CDH12: variants seen among roughly 807,000 people sequenced by gnomAD.
CDH12 encodes the protein cadherin 12, also known as cadherin-12.
Under a neutral mutation model 74.1 loss-of-function variants are expected in CDH12, and 41 were observed. The observed-to-expected ratio is 0.55, with a 90% CI of 0.43 to 0.72. CDH12 has a LOEUF of 0.72. Among genes scored for constraint, CDH12 ranks in the 30% least tolerant of loss-of-function variants. CDH12 has a pLI of 0.00. For missense variants in CDH12, 945 were observed against 977.2 expected (o/e 0.97, Z 0.44); for synonymous variants, 399 against 355.0 (o/e 1.12, Z -1.39).
At chr5:22,119,251 G>A (rs996236659) in intron 4 of CDH12, among the ~76,000 whole-genome samples, 9 of 148,298 alleles carry the variant, frequency 6.1e-5, no homozygotes, top group African/African-American at 2.0e-4. Context: ...CTAAAGAACA[G>A]TGTAACATTG....
At chr5:21,865,483 G>A (rs1751277523) in intron 6 of CDH12, among the ~76,000 whole-genome samples, 1 of 152,160 alleles carries the variant, frequency 6.6e-6, no homozygotes, top group Non-Finnish European at 1.5e-5. Context: ...CACAAGCCCA[G>A]TGCTCTGGGA....
intron 3 of CDH12, among the ~76,000 whole-genome samples, chr5:22,336,179 A>G (rs1166591604): frequency 1.3e-5 from 2 of 152,206 alleles, no homozygotes; most frequent in East Asian, 3.9e-4. Flanking sequence ...TATCTGACTG[A>G]TGAAATTCCT....
At chr5:21,879,889 G>T (rs575180423) in intron 6 of CDH12, among the ~76,000 whole-genome samples, 2 of 152,202 alleles carry the variant, frequency 1.3e-5, no homozygotes, top group Admixed American at 6.5e-5. Context: ...TAAAGTCATG[G>T]ATTCAATTAA....
At chr5:22,755,668 T>C (rs569788292) in intron 1 of CDH12, among the ~76,000 whole-genome samples, 1 of 152,270 alleles carries the variant, frequency 6.6e-6, no homozygotes, top group South Asian at 2.1e-4. Flanking sequence ...TTCTCTTGTG[T>C]TAAGCTGGTG....
chr5:22,793,224 GTC>G (rs1039573845), intron 1 of CDH12, among the ~76,000 whole-genome samples: 1 of 152,148 alleles, frequency 6.6e-6, no homozygotes, highest in African/African-American at 2.4e-5. Context: ...TCAGAGAGTT[GTC>G]TTTTTAGATT....
At chr5:22,636,334 T>C (rs1028243031) in intron 1 of CDH12, among the ~76,000 whole-genome samples, 7 of 152,156 alleles carry the variant, frequency 4.6e-5, no homozygotes, top group Non-Finnish European at 1.0e-4. Context: ...GCAAGAGACA[T>C]GCAAACATAT....
intron 6 of CDH12, among the ~76,000 whole-genome samples, chr5:21,950,749 A>AATCTT (rs1755813179): frequency 7.6e-6 from 1 of 130,974 alleles, no homozygotes; most frequent in Admixed American, 8.4e-5. Context: ...CAGCTACATA[A>AATCTT]ATTTTATTTT....
intron 3 of CDH12, among the ~76,000 whole-genome samples, chr5:22,301,121 T>C (rs902078942): frequency 5.3e-5 from 8 of 152,184 alleles, no homozygotes; most frequent in African/African-American, 1.7e-4. Flanking sequence ...AGTTCGGCAA[T>C]GTATTTTTAT....
At chr5:22,692,642 G>T (rs1742143363) in intron 1 of CDH12, among the ~76,000 whole-genome samples, 1 of 152,164 alleles carries the variant, frequency 6.6e-6, no homozygotes, top group Non-Finnish European at 1.5e-5. Flanking sequence ...AGCTGACAAT[G>T]CATGCTACAG....
At chr5:22,690,339 A>G (rs1396684409) in intron 1 of CDH12, among the ~76,000 whole-genome samples, 1 of 152,186 alleles carries the variant, frequency 6.6e-6, no homozygotes. Flanking sequence ...TATTCACAGT[A>G]CTGTATCCAG....
chr5:22,800,845 G>A (rs1748472824), intron 1 of CDH12, among the ~76,000 whole-genome samples: 1 of 151,856 alleles, frequency 6.6e-6, no homozygotes, highest in Non-Finnish European at 1.5e-5. Context: ...TTACATTTAG[G>A]GTTCCTCCTT....
At chr5:22,245,248 T>G (rs1186494877) in intron 3 of CDH12, among the ~76,000 whole-genome samples, 1 of 152,148 alleles carries the variant, frequency 6.6e-6, no homozygotes, top group African/African-American at 2.4e-5. Context: ...ATTTAGGATC[T>G]AGAATAAAAG....
intron 6 of CDH12, among the ~76,000 whole-genome samples, chr5:21,956,882 G>C (rs1341312132): frequency 1.3e-5 from 2 of 151,718 alleles, no homozygotes; most frequent in African/African-American, 4.8e-5. Flanking sequence ...CTGCCATGTG[G>C]TACAGCATGG....
chr5:22,460,157 G>T (rs1745442141), intron 2 of CDH12, among the ~76,000 whole-genome samples: 1 of 152,072 alleles, frequency 6.6e-6, no homozygotes, highest in African/African-American at 2.4e-5. Context: ...AAACTTTTAA[G>T]AATGACATTA....
At chr5:22,279,779 T>A (rs1261050281) in intron 3 of CDH12, among the ~76,000 whole-genome samples, 2 of 152,180 alleles carry the variant, frequency 1.3e-5, no homozygotes, top group African/African-American at 4.8e-5. Flanking sequence ...TCTATCATTG[T>A]TGGACATTTG....
intron 3 of CDH12, among the ~76,000 whole-genome samples, chr5:22,250,559 C>A (rs1272245684): frequency 6.6e-6 from 1 of 152,116 alleles, no homozygotes; most frequent in Non-Finnish European, 1.5e-5. Context: ...AATCTATATT[C>A]TTGGAAGTGA....
intron 4 of CDH12, among the ~76,000 whole-genome samples, chr5:22,159,917 G>T (rs1438245911): frequency 1.3e-5 from 2 of 152,090 alleles, no homozygotes; most frequent in African/African-American, 4.8e-5. Context: ...GTCTGTGTGC[G>T]TGTGTGCGTG....
intron 10 of CDH12, 27 bp downstream of exon 10, chr5:21,802,140 T>G (rs1432403465): frequency 1.3e-6 from 2 of 1,587,562 alleles, no homozygotes; most frequent in African/African-American, 1.4e-5. Flanking sequence ...TCCTGAAACA[T>G]AGAAAAAAAA....
At chr5:21,835,457 G>A (rs185735284) in intron 8 of CDH12, among the ~76,000 whole-genome samples, 1 of 151,702 alleles carries the variant, frequency 6.6e-6, no homozygotes, top group East Asian at 1.9e-4. Flanking sequence ...CAGATATTAA[G>A]ACAGTCAAAC....
Sources: gnomAD v4.1 joint callset for allele counts (sites outside exome capture counted in the v4.1 genomes callset) on GRCh38, gnomAD v4.1.1 for gene constraint, MANE v1.5 for transcripts, NCBI Gene and HGNC (gene_info 2026-07-23, HGNC 2026-07-21) for gene names.